The following RGS6 variants were observed in gnomAD, a reference collection of about 807,000 sequenced individuals.
RGS6 encodes the protein regulator of G-protein signaling 6.
In RGS6, 30 loss-of-function variants were observed where a neutral mutation model predicts 78.5. That is an observed-to-expected ratio of 0.38 (90% CI 0.29 to 0.52). The LOEUF (loss-of-function observed/expected upper bound fraction) is 0.52. Ranked by LOEUF, RGS6 falls within the 20% of genes least tolerant of loss-of-function variation. The probability of loss-of-function intolerance (pLI) is 0.85; values close to 1 mark genes in which losing one functional copy is unlikely to be tolerated. For missense variants in RGS6, 495 were observed against 609.7 expected (o/e 0.81, Z 1.98); for synonymous variants, 206 against 206.0 (o/e 1.00, Z 0.00).
intron 3 of RGS6, among the ~76,000 whole-genome samples, chr14:72,390,084 A>T (rs1261891233): frequency 7.0e-6 from 1 of 142,404 alleles, no homozygotes; most frequent in African/African-American, 2.8e-5. Flanking sequence ...ATAAAGAGCT[A>T]TAGTTCTTTT....
chr14:72,385,709 C>T (rs372234790), intron 3 of RGS6, among the ~76,000 whole-genome samples: 1 of 152,100 alleles, frequency 6.6e-6, no homozygotes, highest in African/African-American at 2.4e-5. Context: ...CTCTGAAGCC[C>T]CCATGGGGGA....
intron 2 of RGS6, among the ~76,000 whole-genome samples, chr14:71,972,552 G>T (rs533637840): frequency 6.6e-6 from 1 of 152,322 alleles, no homozygotes; most frequent in East Asian, 1.9e-4. Flanking sequence ...TGAAGCAGGG[G>T]AGTCATTTGT....
chr14:72,322,414 G>A (rs973033972), intron 2 of RGS6, among the ~76,000 whole-genome samples: 16 of 151,904 alleles, frequency 1.1e-4, no homozygotes, highest in African/African-American at 3.9e-4. Flanking sequence ...ACAGAATGTG[G>A]AGAAAAAGCA....
At chr14:72,168,317 A>G (rs77632712) in intron 2 of RGS6, among the ~76,000 whole-genome samples, 2,751 of 152,228 alleles carry the variant, frequency 0.018, 26 homozygotes, top group Non-Finnish European at 0.029. Context: ...AAGGTCTACC[A>G]TTAGGAATGT....
At chr14:72,385,367 A>G (rs995564874) in intron 3 of RGS6, among the ~76,000 whole-genome samples, 2 of 152,122 alleles carry the variant, frequency 1.3e-5, no homozygotes, top group African/African-American at 4.8e-5. Flanking sequence ...GTTTTTCAAG[A>G]CTGCTGATGT....
chr14:72,572,772 TTGAC>T, the RGS6 span, among the ~76,000 whole-genome samples: 1 of 152,168 alleles, frequency 6.6e-6, no homozygotes, highest in South Asian at 2.1e-4. Context: ...CTTAAAATCA[TTGAC>T]TTACATACTT....
Position 72,352,015 on chromosome 14 carries a change from C to T in RGS6, c.85-80C>T, listed in dbSNP as rs988594525. The stretch of plus-strand genomic sequence containing the variant: ...TCTATTGTTGACATCCATGTTTATA[C>T]ATTTGGGCTGTTTAAAAAGGTACCA... On this transcript the variant is annotated intron_variant, in intron 2 of 17. Transcript: ENST00000553525. 1.3e-5 allele frequency: 13 copies of T among 1,000,350 alleles called. No individual in the cohort carries two copies. The African/African-American group carries it at 1.6e-4, about 13-fold the overall frequency. The allele number at this position is 1,000,350 out of a possible 1,614,324, so 62.0% of individuals were successfully genotyped here.
At chr14:72,315,747 G>A (rs886896757) in intron 2 of RGS6, among the ~76,000 whole-genome samples, 17 of 152,170 alleles carry the variant, frequency 1.1e-4, no homozygotes, top group Non-Finnish European at 2.5e-4. Flanking sequence ...TGCTTTTCCA[G>A]ATGAAGAGCC....
At chr14:72,454,477 C>T in intron 3 of RGS6, 51 bp from the exon 4 acceptor site, 1 of 1,547,160 alleles carries the variant, frequency 6.5e-7, no homozygotes, top group South Asian at 1.1e-5. Flanking sequence ...TCTTCTGCCA[C>T]AGTGTTAAAC....
chr14:71,900,445 A>T, the RGS6 span, among the ~76,000 whole-genome samples: 2 of 152,170 alleles, frequency 1.3e-5, no homozygotes, highest in Non-Finnish European at 2.9e-5. Flanking sequence ...CCGTGAAATC[A>T]ATTCATCTTG....
At chr14:72,126,113 A>G (rs1443198632) in intron 2 of RGS6, among the ~76,000 whole-genome samples, 2 of 152,174 alleles carry the variant, frequency 1.3e-5, no homozygotes, top group Non-Finnish European at 2.9e-5. Flanking sequence ...CAGTAAACAG[A>G]TCCAGCTACT....
chr14:72,191,974 G>T (rs573826528), intron 2 of RGS6, among the ~76,000 whole-genome samples: 1 of 152,154 alleles, frequency 6.6e-6, no homozygotes, highest in Non-Finnish European at 1.5e-5. Flanking sequence ...AGGGTGGTGC[G>T]TGGGGGTCGT....
At chr14:72,619,711 A>G in the RGS6 span, among the ~76,000 whole-genome samples, 2 of 152,172 alleles carry the variant, frequency 1.3e-5, no homozygotes, top group Non-Finnish European at 2.9e-5. Context: ...AGCTGCTTGG[A>G]CTGTGCCTCA....
rs543513967 is a variant in RGS6 at position 72,179,279 on chromosome 14, G to A, written c.85-172816G>A. ...GCATATGAGTGCCTGCCCCAGGTGG[G>A]ATGGGGCATGCTGGGATTCCTAAAA... On this transcript the variant is annotated intron_variant, in intron 2 of 17. Transcript: ENST00000553525. Among the ~76,000 whole-genome samples the A allele has an allele frequency of 2.3e-4, 35 of 152,330 alleles. No individual in the cohort carries two copies. In the South Asian group the frequency reaches 7.0e-3, roughly 31 times the overall value.
intron 2 of RGS6, among the ~76,000 whole-genome samples, chr14:72,350,193 G>C (rs772678090): frequency 6.6e-6 from 1 of 152,140 alleles, no homozygotes; most frequent in Admixed American, 6.5e-5. Flanking sequence ...GAAGGGCTGG[G>C]AGCTTAGAAT....
chr14:71,890,709 C>T, the RGS6 span, among the ~76,000 whole-genome samples: 1 of 152,154 alleles, frequency 6.6e-6, no homozygotes, highest in Non-Finnish European at 1.5e-5. Context: ...TCTTGAAAGT[C>T]TTTAGCTGCT....
chr14:72,566,594 G>C (rs1050460776), downstream of RGS6: 1 of 147,434 alleles, frequency 6.8e-6, no homozygotes. Context: ...TAGAAAAATC[G>C]ACCACCCCTC....
At chr14:71,952,387 C>T (rs968020389) in intron 1 of RGS6, among the ~76,000 whole-genome samples, 2 of 151,840 alleles carry the variant, frequency 1.3e-5, no homozygotes, top group African/African-American at 4.8e-5. Flanking sequence ...ATAGCGGGCT[C>T]ACCTCTGTAC....
chr14:72,118,621 G>T (rs2095967965), intron 2 of RGS6, among the ~76,000 whole-genome samples: 1 of 152,290 alleles, frequency 6.6e-6, no homozygotes, highest in Admixed American at 6.5e-5. Flanking sequence ...ATATCTTTCT[G>T]AGGTCATTAC....
Sources: allele counts gnomAD v4.1 joint callset (sites outside exome capture counted in the v4.1 genomes callset), GRCh38; gene constraint gnomAD v4.1.1; transcripts MANE v1.5; gene names NCBI Gene and HGNC (gene_info 2026-07-23, HGNC 2026-07-21).